LYRM4: variants seen among roughly 807,000 people sequenced by gnomAD.
LYRM4 encodes the protein LYR motif containing 4.
LYRM4 carries 9 observed loss-of-function variants against 11.7 expected under a neutral mutation model. The ratio of observed to expected loss-of-function variants is 0.77; its 90% CI spans 0.46 to 1.34. The LOEUF (loss-of-function observed/expected upper bound fraction) is 1.34. LYRM4 is among the 40% of genes most tolerant of loss of function. The pLI, the probability that LYRM4 is intolerant of heterozygous loss-of-function variation, is 0.00. For missense variants in LYRM4, 133 were observed against 112.5 expected, an observed-to-expected ratio of 1.18 and a Z score of -0.82; for synonymous variants, 42 against 40.4, an observed-to-expected ratio of 1.04 and a Z score of -0.15.
At chr6:5,194,395 G>T (rs1760936694) in intron 2 of LYRM4, among the ~76,000 whole-genome samples, 1 of 152,092 alleles carries the variant, frequency 6.6e-6, no homozygotes, top group African/African-American at 2.4e-5. Flanking sequence ...GGCATACCCT[G>T]GTGTGCGGCT....
chr6:5,113,336 A>G (rs1245710102), intron 2 of LYRM4: 3 of 450,078 alleles, frequency 6.7e-6, no homozygotes, highest in South Asian at 4.7e-5. Context: ...GAGGCAGAAG[A>G]ATGGTTTGAA....
chr6:5,196,469 T>C (rs966632406), intron 2 of LYRM4, among the ~76,000 whole-genome samples: 6 of 152,152 alleles, frequency 3.9e-5, no homozygotes, highest in African/African-American at 1.2e-4. Context: ...GCAAAAGCAG[T>C]TTGACTCTGG....
At chr6:5,199,291 A>G (rs772192109) in intron 2 of LYRM4, among the ~76,000 whole-genome samples, 77 of 152,252 alleles carry the variant, frequency 5.1e-4, no homozygotes, top group Non-Finnish European at 9.7e-4. Flanking sequence ...TAAGTGAAAG[A>G]GGCCAGTCGT....
rs150938377 is a variant in LYRM4, at chr6:5,166,460, C to T, written c.207+50158G>A. The stretch of plus-strand genomic sequence containing the variant: ...CTTCATTTGTTTTCAAGGTATTCTA[C>T]TGACTGTTGATTTTGGGGGCAGGGT... On this transcript the variant is annotated intron_variant, in intron 2 of 2. Transcript: ENST00000330636. 3.8e-3 allele frequency among the ~76,000 whole-genome samples: 583 copies of T among 152,318 alleles called. 5 individuals carry two copies. The highest frequency in any genetic ancestry group is 0.013 in the African/African-American group (532 of 41,570).
rs868329377 is a variant in LYRM4, at chr6:5,158,750, G to A, written c.208-49259C>T. 3.9e-5 allele frequency among the ~76,000 whole-genome samples: 6 copies of A among 152,220 alleles called. No homozygotes were observed. The Middle Eastern group carries it at 0.014, about 345-fold the overall frequency. On this transcript the variant is annotated intron_variant, in intron 2 of 2. Coordinates refer to ENST00000330636, the MANE Select transcript of LYRM4 (RefSeq NM_020408.6). ...GGCCTCCCAAAGTGTTGGGATTAGA[G>A]GTGTGAGCCACCATGCCTGGTCAAG...
At chr6:5,194,964 T>C (rs1760967826) in intron 2 of LYRM4, among the ~76,000 whole-genome samples, 1 of 152,264 alleles carries the variant, frequency 6.6e-6, no homozygotes, top group Non-Finnish European at 1.5e-5. Context: ...CCTACAGTGG[T>C]AGACTTTAAA....
chr6:5,171,935 A>C (rs1759453059), intron 2 of LYRM4, among the ~76,000 whole-genome samples: 1 of 152,170 alleles, frequency 6.6e-6, no homozygotes, highest in South Asian at 2.1e-4. Flanking sequence ...GAACACTGTA[A>C]ATCACCACTC....
chr6:5,143,752 C>T lies in LYRM4; in HGVS notation c.208-34261G>A, dbSNP rs536095024. 2.6e-5 allele frequency among the ~76,000 whole-genome samples: 4 copies of T among 151,682 alleles called. No individual in the cohort carries two copies. The East Asian group carries it at 5.8e-4, about 22-fold the overall frequency. On this transcript the variant is annotated intron_variant, in intron 2 of 2. Transcript: ENST00000330636. ...AGAAGAACCTGAGTGCCAAAGGCTG[C>T]GGGAACAAAAAATACCAGAGCAAGA...
At chr6:5,229,072 T>A (rs566611482) in intron 1 of LYRM4, among the ~76,000 whole-genome samples, 1 of 146,510 alleles carries the variant, frequency 6.8e-6, no homozygotes, top group South Asian at 2.2e-4. Context: ...ACAGTTCCCA[T>A]GAGAAAATAG....
chr6:5,086,654 G>T, the LYRM4 span: 17 of 1,098,274 alleles, frequency 1.5e-5, 1 homozygote, highest in East Asian at 4.4e-4. Flanking sequence ...ACGCTTTGCT[G>T]AGCGTGGCGA....
the LYRM4 span, among the ~76,000 whole-genome samples, chr6:5,060,881 C>T: frequency 1.3e-3 from 202 of 152,302 alleles, no homozygotes; most frequent in African/African-American, 4.4e-3. Context: ...CAGAGAGATT[C>T]TGCCCACCCC....
intron 2 of LYRM4, among the ~76,000 whole-genome samples, chr6:5,118,096 T>TATATATATATATTTTTTTTTTG (rs1554126841): frequency 2.5e-5 from 2 of 78,708 alleles, no homozygotes; most frequent in African/African-American, 7.1e-5. Context: ...ATATATATAT[T>TATATATATATATTTTTTTTTTG]TTTGTTTTGT....
the LYRM4 span, chr6:5,085,966 C>G: frequency 3.9e-6 from 6 of 1,527,364 alleles, no homozygotes; most frequent in Non-Finnish European, 5.2e-6. Context: ...GCCCGCCGTG[C>G]TCTCGCGCCT....
chr6:5,137,159 T>G (rs1304961293), intron 2 of LYRM4, among the ~76,000 whole-genome samples: 1 of 152,242 alleles, frequency 6.6e-6, no homozygotes, highest in Non-Finnish European at 1.5e-5. Flanking sequence ...TGTTCTAGCA[T>G]GTATCAGTAC....
rs17139752 is a variant in LYRM4, at chr6:5,191,289, T to C, written c.207+25329A>G. The stretch of plus-strand genomic sequence containing the variant: ...TCCCCAAAAGACTAGAAACAGAACA[T>C]AGGTCTCCATTTTTGTCCATGTCAG... On this transcript the variant is annotated intron_variant, in intron 2 of 2. Transcript: ENST00000330636. Among the ~76,000 whole-genome samples the C allele has an allele frequency of 7.9e-3, 1,199 of 152,254 alleles. 9 individuals carry two copies. Among genetic ancestry groups the C allele is most frequent in the African/African-American group, 0.026 (1,093 of 41,534 alleles).
intron 2 of LYRM4, among the ~76,000 whole-genome samples, chr6:5,150,943 A>G (rs936652789): frequency 3.9e-5 from 6 of 152,036 alleles, no homozygotes; most frequent in African/African-American, 4.8e-5. Context: ...CTGACTTTTA[A>G]TCTTCAATTC....
At chr6:5,092,106 G>T in the LYRM4 span, among the ~76,000 whole-genome samples, 30 of 152,344 alleles carry the variant, frequency 2.0e-4, no homozygotes, top group Middle Eastern at 6.8e-3. Context: ...TCATCTTTAA[G>T]TTGAAAATTT....
downstream of LYRM4, among the ~76,000 whole-genome samples, chr6:5,099,439 G>A (rs1007509591): frequency 1.7e-4 from 16 of 95,318 alleles, no homozygotes; most frequent in Middle Eastern, 5.6e-3. This position sits in a 1 kb window ranked among gnomAD's most constrained non-coding sequence, Gnocchi z 4.3. Flanking sequence ...ATTTTATAGC[G>A]ATGAGGCCTC....
At chr6:5,136,406 C>A (rs776841918) in intron 2 of LYRM4, 49 of 985,100 alleles carry the variant, frequency 5.0e-5, no homozygotes, top group Non-Finnish European at 5.8e-5. Flanking sequence ...TAATGTAGTA[C>A]TTAAGAGCCT....
Sources: allele counts gnomAD v4.1 joint callset (sites outside exome capture counted in the v4.1 genomes callset), GRCh38; gene constraint gnomAD v4.1.1; non-coding constraint Gnocchi (gnomAD v3.1); transcripts MANE v1.5; gene names NCBI Gene and HGNC (gene_info 2026-07-23, HGNC 2026-07-21).